The following LTBP1 variants were observed in gnomAD, a reference collection of about 807,000 sequenced individuals.
LTBP1 encodes latent-transforming growth factor beta-binding protein 1.
In LTBP1, 129 loss-of-function variants were observed where a neutral mutation model predicts 207.6. The ratio of observed to expected loss-of-function variants is 0.62; its 90% CI spans 0.54 to 0.72. The LOEUF (loss-of-function observed/expected upper bound fraction) is 0.72. Ranked by LOEUF, LTBP1 falls within the 30% of genes least tolerant of loss-of-function variation. The pLI is 0.00. For missense variants in LTBP1, 2,281 were observed against 2,217.2 expected, an observed-to-expected ratio of 1.03 and a Z score of -0.58; for synonymous variants, 963 against 833.7, an observed-to-expected ratio of 1.16 and a Z score of -2.67.
At chr2:32,996,499 A>C (rs1039284322) in intron 2 of LTBP1, among the ~76,000 whole-genome samples, 1 of 152,200 alleles carries the variant, frequency 6.6e-6, no homozygotes, top group Non-Finnish European at 1.5e-5. Context: ...TTTAATAAAT[A>C]GTTTTTTACG....
At chr2:33,147,447 T>A (rs1444270333) in intron 5 of LTBP1, among the ~76,000 whole-genome samples, 1 of 152,200 alleles carries the variant, frequency 6.6e-6, no homozygotes, top group Non-Finnish European at 1.5e-5. Flanking sequence ...GATCACTCTG[T>A]GAGTTGTAAA....
chr2:33,306,442 C>T (rs762565185), intron 22 of LTBP1, among the ~76,000 whole-genome samples: 3 of 151,990 alleles, frequency 2.0e-5, no homozygotes, highest in Non-Finnish European at 2.9e-5. Flanking sequence ...TGGTGGCAGG[C>T]GCCTGTAATC....
At chr2:33,340,370 G>T (rs569500889) in intron 24 of LTBP1, among the ~76,000 whole-genome samples, 1 of 152,302 alleles carries the variant, frequency 6.6e-6, no homozygotes, top group South Asian at 2.1e-4. Context: ...TGTGGGAAGG[G>T]TGGAGGAGAG....
At chr2:33,340,492 G>C (rs993435885) in intron 24 of LTBP1, among the ~76,000 whole-genome samples, 32 of 152,290 alleles carry the variant, frequency 2.1e-4, no homozygotes, top group African/African-American at 7.7e-4. Flanking sequence ...AGAATATTCC[G>C]TCACTGAACG....
Position 33,361,495 on chromosome 2 carries a change from CTGG to C in LTBP1, c.4256_4258del (p.Gly1419del). On this transcript the variant is annotated inframe_deletion, in exon 28 of 34. Transcript: ENST00000404816. ...CCTGCTGGAGAATCATCTTCTGAAG[CTGG>C]TGGTGAGAACTATAAAGGTCAGAAT... 6.2e-7 allele frequency: 1 copy of C among 1,612,322 alleles called. No individual in the cohort carries two copies. The highest frequency in any genetic ancestry group is 8.5e-7 in the Non-Finnish European group (1 of 1,179,320).
At position 33,228,776 on chromosome 2, in the gene LTBP1, T is replaced by G. The variant is rs905832961; in HGVS notation, c.1876+6625T>G. Among the ~76,000 whole-genome samples the G allele has an allele frequency of 2.8e-5, 4 of 142,438 alleles. No individual in the cohort carries two copies. The Admixed American group carries it at 3.0e-4, about 11-fold the overall frequency. The allele number at this position is 142,438 out of a possible 152,430, so 93.4% of individuals were successfully genotyped here. On this transcript the variant is annotated intron_variant, in intron 9 of 33. Coordinates refer to ENST00000404816, the MANE Select transcript of LTBP1 (RefSeq NM_206943.4). ...GTGCAGTGGTGCAATCTCGGCTCAC[T>G]GCAATCTCCGCCTCCTGGGTTCAAG...
intron 2 of LTBP1, among the ~76,000 whole-genome samples, chr2:32,995,539 T>C (rs1685127603): frequency 1.3e-5 from 2 of 152,210 alleles, no homozygotes; most frequent in South Asian, 4.1e-4. Context: ...CCCAAGACTT[T>C]GGGAGGCCGA....
intron 7 of LTBP1, among the ~76,000 whole-genome samples, chr2:33,204,476 G>C (rs2089665078): frequency 6.6e-6 from 1 of 152,218 alleles, no homozygotes; most frequent in Non-Finnish European, 1.5e-5. Flanking sequence ...CCTCCAAGAT[G>C]ATCACTTTGC....
At chr2:33,263,482 C>A in intron 15 of LTBP1, 90 bp downstream of exon 15, 1 of 905,096 alleles carries the variant, frequency 1.1e-6, no homozygotes, top group Non-Finnish European at 1.8e-6. Context: ...TATAAGCTTG[C>A]TCATGGCAGG....
intron 4 of LTBP1, among the ~76,000 whole-genome samples, chr2:33,122,963 C>G (rs2081230241): frequency 1.3e-5 from 2 of 152,230 alleles, no homozygotes; most frequent in Admixed American, 6.5e-5. Context: ...CTACTCTGCT[C>G]TCTAACAGCT....
rs1426182596 is a variant in LTBP1, at chr2:33,135,018, G to A, written c.1201+58G>A. 3.4e-6 allele frequency: 5 copies of A among 1,489,752 alleles called. No individual in the cohort carries two copies. The African/African-American group carries it at 5.6e-5, about 17-fold the overall frequency. The allele number at this position is 1,489,752 out of a possible 1,614,324, so 92.3% of individuals were successfully genotyped here. ...CTGAGTCGAGTTTTATGAGATTGTA[G>A]CATTTAGACACCCCCTCCATTCACA... On this transcript the variant is annotated intron_variant, in intron 5 of 33. Coordinates refer to ENST00000404816, the MANE Select transcript of LTBP1 (RefSeq NM_206943.4).
At chr2:33,208,121 G>A (rs1313940829) in intron 7 of LTBP1, among the ~76,000 whole-genome samples, 1 of 152,216 alleles carries the variant, frequency 6.6e-6, no homozygotes, top group Non-Finnish European at 1.5e-5. Flanking sequence ...TGATGGTGTA[G>A]CTTTTGTTTA....
intron 26 of LTBP1, among the ~76,000 whole-genome samples, chr2:33,356,277 G>A (rs1474496506): frequency 6.6e-6 from 1 of 152,234 alleles, no homozygotes; most frequent in Non-Finnish European, 1.5e-5. Context: ...TTGTCAGGAT[G>A]TGGTGATCTG....
chr2:33,228,624 T>C (rs939529609), intron 9 of LTBP1, among the ~76,000 whole-genome samples: 3 of 151,084 alleles, frequency 2.0e-5, no homozygotes, highest in East Asian at 1.9e-4. Context: ...CAATTAGACA[T>C]TGAGACACAG....
intron 5 of LTBP1, among the ~76,000 whole-genome samples, chr2:33,171,272 C>T (rs374193836): frequency 3.1e-5 from 4 of 127,714 alleles, no homozygotes; most frequent in South Asian, 2.4e-4. Context: ...AAAATTTAGA[C>T]GAATGTATAA....
chr2:33,218,651 C>A (rs1216657060), intron 8 of LTBP1, among the ~76,000 whole-genome samples: 2 of 152,206 alleles, frequency 1.3e-5, no homozygotes, highest in African/African-American at 2.4e-5. Context: ...CCTGCCTCTG[C>A]TTCCCAAAGT....
Position 33,342,945 on chromosome 2 carries a change from G to T in LTBP1, c.3838G>T (p.Asp1280Tyr). 3 of 1,613,798 alleles carry T rather than the reference G, an allele frequency of 1.9e-6. No homozygotes were observed. Among genetic ancestry groups the T allele is most frequent in the Admixed American group, 1.7e-5 (1 of 60,022 alleles). Reference sequence around the variant, plus strand: ...TTATCAGGGCTTTCAAGCCCCACAGGATGGGCAAGGGTGTGTGGGTGAGTT... The same window carrying T: ...TTATCAGGGCTTTCAAGCCCCACAGTATGGGCAAGGGTGTGTGGGTGAGTT... ...LCYQGFQAPQ[D>Y]GQGCVDVNEC... Residue 1280 changes from aspartate (D) to tyrosine (Y), a missense_variant, in exon 25 of 34, where the codon GAT (aspartate) becomes TAT (tyrosine). This residue lies in a region of LTBP1 where 1,671 missense variants were observed against 1,634.8 expected (regional missense o/e 1.02). Transcript: ENST00000404816.
intron 11 of LTBP1, among the ~76,000 whole-genome samples, chr2:33,256,276 A>G (rs1016214435): frequency 6.6e-5 from 10 of 151,588 alleles, no homozygotes; most frequent in Admixed American, 3.3e-4. Flanking sequence ...ATTTCTACCT[A>G]TCATCTCCAG....
intron 2 of LTBP1, among the ~76,000 whole-genome samples, chr2:32,991,670 G>C (rs907148920): frequency 6.6e-6 from 1 of 152,192 alleles, no homozygotes; most frequent in Admixed American, 6.5e-5. Flanking sequence ...GCCATCTTCA[G>C]TGGGCGTCCT....
Sources: gnomAD v4.1 joint callset for allele counts (sites outside exome capture counted in the v4.1 genomes callset) on GRCh38, gnomAD v4.1.1 for gene constraint, gnomAD v4.1.1 regional missense constraint, MANE v1.5 for transcripts, NCBI Gene and HGNC (gene_info 2026-07-23, HGNC 2026-07-21) for gene names.